The following CD207 variants were observed in gnomAD, a reference collection of about 807,000 sequenced individuals.
CD207 encodes the protein C-type lectin domain family 4 member K.
A neutral mutation model predicts 31.6 loss-of-function variants in CD207; 28 were observed. The observed-to-expected ratio is 0.89, with a 90% CI of 0.66 to 1.21. CD207 has a LOEUF of 1.21. Ranked by LOEUF, CD207 falls within the 50% of genes most tolerant of loss-of-function variation. The pLI is 0.00. For missense variants in CD207, 388 were observed against 397.8 expected, an observed-to-expected ratio of 0.98 and a Z score of 0.21; for synonymous variants, 168 against 153.9, an observed-to-expected ratio of 1.09 and a Z score of -0.68.
At chr2:70,834,479 C>T (rs67131611) in intron 2 of CD207, among the ~76,000 whole-genome samples, 41,325 of 151,904 alleles carry the variant, frequency 0.27, 5,987 homozygotes, top group Middle Eastern at 0.36. Context: ...CACCACTCCC[C>T]CACATCTGTC....
In CD207 at chr2:70,830,806, C is replaced by T; in HGVS notation, c.*244G>A. On this transcript the variant is annotated 3_prime_UTR_variant, in exon 6 of 6. Coordinates refer to ENST00000410009, the MANE Select transcript of CD207 (RefSeq NM_015717.5). ...ATCCTCCTTAGCAGGGCAATTGGAACTTCTAAATCCTCTCTACCCACCCCT... is the reference window on the plus strand; with the variant it reads ...ATCCTCCTTAGCAGGGCAATTGGAATTTCTAAATCCTCTCTACCCACCCCT... The T allele has an allele frequency of 4.5e-6, 2 of 439,840 alleles. No individual in the cohort carries two copies. The highest frequency in any genetic ancestry group is 8.2e-6 in the Non-Finnish European group (2 of 245,298). 27.2% of individuals were successfully genotyped at this position (439,840 alleles called of 1,614,324 possible).
At position 70,835,765 on chromosome 2, in the gene CD207, C is replaced by A. The variant is rs60746125; in HGVS notation, c.12G>T (p.Glu4Asp). Residue 4 changes from glutamate (E) to aspartate (D), a missense_variant, in exon 1 of 6, where the codon GAG becomes GAT. Transcript: ENST00000410009. MTV[E>D]KEAPDAHFTV... Reference sequence around the variant, plus strand: ...TGAAGTGCGCATCAGGGGCCTCCTTCTCCACAGTCATCCTGAGTGCTCACC... The same window carrying A: ...TGAAGTGCGCATCAGGGGCCTCCTTATCCACAGTCATCCTGAGTGCTCACC... The A allele has an allele frequency of 4.3e-6, 7 of 1,611,868 alleles. No individual in the cohort carries two copies. The highest frequency in any genetic ancestry group is 1.3e-5 in the African/African-American group (1 of 74,888).
At chr2:70,825,134 A>C in the CD207 span, among the ~76,000 whole-genome samples, 2 of 152,222 alleles carry the variant, frequency 1.3e-5, no homozygotes, top group African/African-American at 4.8e-5. Flanking sequence ...CCTGAAACTC[A>C]GTACCCCAAT....
downstream of CD207, among the ~76,000 whole-genome samples, chr2:70,828,800 G>T (rs1224073003): frequency 6.6e-6 from 1 of 152,112 alleles, no homozygotes; most frequent in East Asian, 1.9e-4. Flanking sequence ...CAAGTAGTTG[G>T]AATTACAGGT....
chr2:70,835,347 T>G, intron 2 of CD207, 144 bp downstream of exon 2: 2 of 681,646 alleles, frequency 2.9e-6, no homozygotes, highest in Non-Finnish European at 5.3e-6. Flanking sequence ...AGCCTGTTAC[T>G]GCACATGGAA....
rs782492055 is a variant in CD207 at position 70,831,134 on chromosome 2, G to A, written c.903C>T (p.Pro301=). The A allele has an allele frequency of 1.2e-6, 2 of 1,613,850 alleles. No individual in the cohort carries two copies. The highest frequency in any genetic ancestry group is 4.5e-5 in the East Asian group (2 of 44,882). Reference sequence around the variant, plus strand: ...GGGCATCATTCCAGGCCTGAAGTGAGGGAGCCTTTATATTGCCACAGTGTT... The same window carrying A: ...GGGCATCATTCCAGGCCTGAAGTGAAGGAGCCTTTATATTGCCACAGTGTT... ...NNEHCGNIKA[P]SLQAWNDAPC... is the part of the protein sequence containing the mutation. The change falls in exon 6 of 6, where the codon CCC becomes CCT. Residue 301 remains proline, a synonymous_variant. Transcript: ENST00000410009.
intron 2 of CD207, among the ~76,000 whole-genome samples, chr2:70,835,236 A>G (rs548306735): frequency 6.6e-6 from 1 of 152,364 alleles, no homozygotes; most frequent in East Asian, 1.9e-4. Flanking sequence ...CCTGAGGACA[A>G]AAGAATGTAT....
In CD207 at chr2:70,830,534, C is replaced by G. The variant is rs1224768193; in HGVS notation, c.*516G>C. The G allele has an allele frequency of 6.5e-6, 1 of 153,374 alleles. No homozygotes were observed. The highest frequency in any genetic ancestry group is 1.5e-5 in the Non-Finnish European group (1 of 68,880). 9.5% of individuals were successfully genotyped at this position (153,374 alleles called of 1,614,324 possible). ...TTAGATGATGTGGATGAAGAAACCA[C>G]TGGGGACATACCATGAGCAGGATTT... On this transcript the variant is annotated 3_prime_UTR_variant, in exon 6 of 6. Coordinates refer to ENST00000410009, the MANE Select transcript of CD207 (RefSeq NM_015717.5).
chr2:70,831,026 G>C lies in CD207; in HGVS notation c.*24C>G. 7 of 1,601,456 alleles carry C rather than the reference G, an allele frequency of 4.4e-6. No individual in the cohort carries two copies. The highest frequency in any genetic ancestry group is 6.0e-6 in the Non-Finnish European group (7 of 1,171,420). On this transcript the variant is annotated 3_prime_UTR_variant, in exon 6 of 6. Transcript: ENST00000410009. ...TGTTTAACAAGCGTTGGAGCTCAAA[G>C]AGTGAGCTTGGGAGCCTGTCCTGTC...
downstream of CD207, among the ~76,000 whole-genome samples, chr2:70,829,249 C>G (rs1437202831): frequency 6.6e-6 from 1 of 152,206 alleles, no homozygotes; most frequent in Non-Finnish European, 1.5e-5. Context: ...ATCCCCTGCT[C>G]TAAATAGGAC....
In CD207 at chr2:70,831,797, C is replaced by T. The variant is rs1677481451; in HGVS notation, c.740G>A (p.Gly247Glu). The T allele has an allele frequency of 1.2e-6, 2 of 1,612,138 alleles. No individual in the cohort carries two copies. The highest frequency in any genetic ancestry group is 1.7e-6 in the Non-Finnish European group (2 of 1,178,254). Residue 247 changes from glycine (G) to glutamate (E), a missense_variant, in exon 5 of 6, where the codon GGG becomes GAG. Transcript: ENST00000410009. ...CAGGCCAATCCAGTAGATGAGTCCC[C>T]CCGCTGTTTTATACAGAAACTCCTG... ...SEQEFLYKTAGGLIYWIGLTK... is the reference protein window; with the variant it reads ...SEQEFLYKTAEGLIYWIGLTK...
downstream of CD207, among the ~76,000 whole-genome samples, chr2:70,827,929 G>A (rs1249795451): frequency 6.6e-6 from 1 of 151,932 alleles, no homozygotes; most frequent in Non-Finnish European, 1.5e-5. Context: ...AAACACAAAA[G>A]GATAAATTTT....
chr2:70,825,439 T>C (rs1397175421), downstream of CD207, among the ~76,000 whole-genome samples: 2 of 152,226 alleles, frequency 1.3e-5, no homozygotes, highest in Non-Finnish European at 2.9e-5. Flanking sequence ...TAATATAAGA[T>C]GTTAACAATC....
downstream of CD207, among the ~76,000 whole-genome samples, chr2:70,829,821 C>G (rs1548893): frequency 0.31 from 47,195 of 152,084 alleles, 8,182 homozygotes; most frequent in East Asian, 0.52. Flanking sequence ...CTCCTCTCCT[C>G]TCTGTGGTGG....
intron 4 of CD207, among the ~76,000 whole-genome samples, 180 bp downstream of exon 4, chr2:70,832,720 G>T (rs1416643627): frequency 6.6e-6 from 1 of 152,190 alleles, no homozygotes; most frequent in African/African-American, 2.4e-5. Context: ...GGGTCCTTGA[G>T]TAGCCACAGT....
chr2:70,824,518 A>T, the CD207 span, among the ~76,000 whole-genome samples: 91,231 of 150,922 alleles, frequency 0.6, 28,062 homozygotes, highest in Middle Eastern at 0.7. Context: ...AAAGGAAACC[A>T]GGGCTCATTA....
downstream of CD207, among the ~76,000 whole-genome samples, chr2:70,826,003 C>T: frequency 7.3e-6 from 1 of 136,708 alleles, no homozygotes; most frequent in East Asian, 2.1e-4. Context: ...AAAAAATTAG[C>T]TGGGCATGGT....
chr2:70,826,523 G>T (rs907548538), downstream of CD207, among the ~76,000 whole-genome samples: 1 of 152,058 alleles, frequency 6.6e-6, no homozygotes, highest in African/African-American at 2.4e-5. Context: ...TTACAAGTCC[G>T]CACTACCACA....
chr2:70,826,936 C>T (rs1574390807), downstream of CD207, among the ~76,000 whole-genome samples: 1 of 152,192 alleles, frequency 6.6e-6, no homozygotes, highest in East Asian at 1.9e-4. Context: ...ACTCATCTGC[C>T]TAAAACACTT....
Sources: gnomAD v4.1 joint callset for allele counts (sites outside exome capture counted in the v4.1 genomes callset) on GRCh38, gnomAD v4.1.1 for gene constraint, MANE v1.5 for transcripts, NCBI Gene and HGNC (gene_info 2026-07-23, HGNC 2026-07-21) for gene names.